ZDHHC3: variants seen among roughly 807,000 people sequenced by gnomAD.
The protein encoded by ZDHHC3 is zDHHC palmitoyltransferase 3.
ZDHHC3 carries 9 observed loss-of-function variants against 30.6 expected under a neutral mutation model. The observed-to-expected ratio is 0.29, with a 90% CI of 0.18 to 0.51. ZDHHC3 has a LOEUF of 0.51. ZDHHC3 is among the 20% of genes least tolerant of loss of function. The pLI is 0.97. For synonymous variants in ZDHHC3, 136 were observed against 140.2 expected (o/e 0.97, Z 0.21); for missense variants, 246 against 384.2 (o/e 0.64, Z 3.01).
chr3:44,961,737 C>T (rs962802760), intron 1 of ZDHHC3, among the ~76,000 whole-genome samples: 3 of 152,372 alleles, frequency 2.0e-5, no homozygotes, highest in African/African-American at 7.2e-5. Flanking sequence ...CCTCCAGTTG[C>T]AAGCATTCTT....
Position 44,922,790 on chromosome 3 carries a change from G to A in ZDHHC3, c.*3899C>T. ...GACCGAGAATGTGCATTTCTAACAA[G>A]TTCTCAGGTGATGCTGATGTTGACG... On this transcript the variant is annotated 3_prime_UTR_variant, in exon 7 of 7. Transcript: ENST00000424952. 2 of 985,048 alleles carry A rather than the reference G, an allele frequency of 2.0e-6. No individual in the cohort carries two copies. Among genetic ancestry groups the A allele is most frequent in the Non-Finnish European group, 2.4e-6 (2 of 829,602 alleles). 61.0% of individuals were successfully genotyped at this position (985,048 alleles called of 1,614,324 possible).
At chr3:44,928,781 G>A (rs765690565) in intron 6 of ZDHHC3, among the ~76,000 whole-genome samples, 4 of 152,274 alleles carry the variant, frequency 2.6e-5, no homozygotes, top group Non-Finnish European at 5.9e-5. Context: ...ATGAGGACCA[G>A]GGCTGGGCCA....
intron 1 of ZDHHC3, among the ~76,000 whole-genome samples, chr3:44,961,178 G>A (rs1704447131): frequency 6.6e-6 from 1 of 152,340 alleles, no homozygotes; most frequent in South Asian, 2.1e-4. Flanking sequence ...GGATCACGAG[G>A]TCAGGAGATT....
intron 5 of ZDHHC3, 160 bp downstream of exon 5, chr3:44,932,958 T>G (rs1216539161): frequency 1.9e-6 from 3 of 1,614,104 alleles, no homozygotes; most frequent in South Asian, 2.2e-5. Context: ...GAGATTCCAG[T>G]CTCTGCCATT....
chr3:44,957,982 T>C (rs115688180), intron 2 of ZDHHC3, among the ~76,000 whole-genome samples: 93 of 152,340 alleles, frequency 6.1e-4, no homozygotes, highest in Non-Finnish European at 1.2e-3. Context: ...CATGACCATA[T>C]AGATGCTGCT....
chr3:44,921,551 C>A lies in ZDHHC3; in HGVS notation c.*5138G>T. On this transcript the variant is annotated 3_prime_UTR_variant, in exon 7 of 7. Coordinates refer to ENST00000424952, the MANE Select transcript of ZDHHC3 (RefSeq NM_001135179.2). ...TTTTTCTTGAAAAACATGCTGGTTG[C>A]AAACCATGAATGGCTGTGACCAATG... 1 of 985,420 alleles carries A rather than the reference C, an allele frequency of 1.0e-6. No individual in the cohort carries two copies. Among genetic ancestry groups the A allele is most frequent in the Non-Finnish European group, 1.2e-6 (1 of 829,920 alleles). 61.0% of individuals were successfully genotyped at this position (985,420 alleles called of 1,614,324 possible). A position where few individuals can be genotyped will look rare whatever the true frequency, so the allele number is the denominator to read the frequency against.
At chr3:44,965,422 T>C (rs1237895003) in intron 1 of ZDHHC3, among the ~76,000 whole-genome samples, 3 of 152,090 alleles carry the variant, frequency 2.0e-5, no homozygotes, top group Admixed American at 6.5e-5. Flanking sequence ...TGTCTCTCCA[T>C]GGTAGGCAGC....
Position 44,922,767 on chromosome 3 carries a change from C to G in ZDHHC3, c.*3922G>C. On this transcript the variant is annotated 3_prime_UTR_variant, in exon 7 of 7. Transcript: ENST00000424952. ...CTGGTTCGGTAGCCTGGGGTGGGGA[C>G]CGAGAATGTGCATTTCTAACAAGTT... 8 of 984,930 alleles carry G rather than the reference C, an allele frequency of 8.1e-6. No individual in the cohort carries two copies. The highest frequency in any genetic ancestry group is 9.6e-6 in the Non-Finnish European group (8 of 829,548). 61.0% of individuals were successfully genotyped at this position (984,930 alleles called of 1,614,324 possible).
chr3:44,952,737 G>A (rs1225237555), intron 2 of ZDHHC3, among the ~76,000 whole-genome samples: 1 of 152,140 alleles, frequency 6.6e-6, no homozygotes, highest in African/African-American at 2.4e-5. Flanking sequence ...AACTTGCCAG[G>A]CACCTCCTTG....
In ZDHHC3 at chr3:44,925,858, A is replaced by G; in HGVS notation, c.*831T>C. ...ACATCTTGCTGGGGAAGAGAGGGAG[A>G]TGGGGTGGTGAGAGAGGAAGCAGAT... On this transcript the variant is annotated 3_prime_UTR_variant, in exon 7 of 7. Coordinates refer to ENST00000424952, the MANE Select transcript of ZDHHC3 (RefSeq NM_001135179.2). 6 of 985,838 alleles carry G rather than the reference A, an allele frequency of 6.1e-6. No homozygotes were observed. The highest frequency in any genetic ancestry group is 7.2e-6 in the Non-Finnish European group (6 of 829,946). 61.1% of individuals were successfully genotyped at this position (985,838 alleles called of 1,614,324 possible). A position where few individuals can be genotyped will look rare whatever the true frequency, so the allele number is the denominator to read the frequency against.
chr3:44,938,789 T>A (rs920894639), intron 3 of ZDHHC3, among the ~76,000 whole-genome samples: 1 of 152,172 alleles, frequency 6.6e-6, no homozygotes, highest in Non-Finnish European at 1.5e-5. Context: ...TGCTGTCCCC[T>A]GGATTCCAGA....
In ZDHHC3 at chr3:44,924,754, C is replaced by T; in HGVS notation, c.*1935G>A. On this transcript the variant is annotated 3_prime_UTR_variant, in exon 7 of 7. Transcript: ENST00000424952. Reference sequence around the variant, plus strand: ...ATACAATAACACTTCTTTCATACACCTAACTGAGCTGTATGTTATGAAAAA... The same window carrying T: ...ATACAATAACACTTCTTTCATACACTTAACTGAGCTGTATGTTATGAAAAA... 3 of 985,420 alleles carry T rather than the reference C, an allele frequency of 3.0e-6. No individual in the cohort carries two copies. The highest frequency in any genetic ancestry group is 3.6e-6 in the Non-Finnish European group (3 of 829,922). The allele number at this position is 985,420 out of a possible 1,614,324, so 61.0% of individuals were successfully genotyped here. A position where few individuals can be genotyped will look rare whatever the true frequency, so the allele number is the denominator to read the frequency against.
At chr3:44,938,199 G>A (rs1047265646) in intron 3 of ZDHHC3, 1 of 199,272 alleles carries the variant, frequency 5.0e-6, no homozygotes, top group Non-Finnish European at 1.0e-5. Context: ...GGCCAGACTA[G>A]TCTTTAACTC....
chr3:44,976,001 CCCCT>C lies in ZDHHC3; in HGVS notation c.-97_-94del. ...CTCCCGCCGCCGCCGCCGCTGCCTT[CCCCT>C]GCAGTCCCCAACCCGGGACCCGGCC... On this transcript the variant is annotated 5_prime_UTR_variant, in exon 1 of 7. Transcript: ENST00000424952. 2.7e-6 allele frequency: 1 copy of C among 365,516 alleles called. No individual in the cohort carries two copies. Among genetic ancestry groups the C allele is most frequent in the Non-Finnish European group, 4.9e-6 (1 of 205,522 alleles). 22.6% of individuals were successfully genotyped at this position (365,516 alleles called of 1,614,324 possible).
In ZDHHC3 at chr3:44,976,135, G is replaced by GGCGGCGGCCGCGGCTGCAGGA. The variant is rs1466107224; in HGVS notation, c.-248_-228dup. On this transcript the variant is annotated 5_prime_UTR_variant, in exon 1 of 7. Transcript: ENST00000424952. The stretch of plus-strand genomic sequence containing the variant: ...AAGCCCATCGAGCTCTCCCGGCAGT[G>GGCGGCGGCCGCGGCTGCAGGA]GCGGCGGCCGCGGCTGCAGGAGCGG... 1.7e-5 allele frequency: 10 copies of GGCGGCGGCCGCGGCTGCAGGA among 603,852 alleles called. No homozygotes were observed. Among genetic ancestry groups the GGCGGCGGCCGCGGCTGCAGGA allele is most frequent in the East Asian group, 7.0e-5 (2 of 28,490 alleles). 37.4% of individuals were successfully genotyped at this position (603,852 alleles called of 1,614,324 possible).
Position 44,918,481 on chromosome 3 carries a change from G to A in ZDHHC3, c.*8208C>T. On this transcript the variant is annotated 3_prime_UTR_variant, in exon 7 of 7. Coordinates refer to ENST00000424952, the MANE Select transcript of ZDHHC3 (RefSeq NM_001135179.2). ...TGATGGGCAGGGGCTAGGCTGATGA[G>A]TGGCTGAGGCATAAGGGGGACCACA... is the stretch of plus-strand genomic sequence containing the variant. The A allele has an allele frequency of 1.0e-6, 1 of 985,434 alleles. No individual in the cohort carries two copies. Among genetic ancestry groups the A allele is most frequent in the Non-Finnish European group, 1.2e-6 (1 of 829,936 alleles). 61.0% of individuals were successfully genotyped at this position (985,434 alleles called of 1,614,324 possible). A position where few individuals can be genotyped will look rare whatever the true frequency, so the allele number is the denominator to read the frequency against.
At chr3:44,971,180 T>G (rs1318580590) in intron 1 of ZDHHC3, among the ~76,000 whole-genome samples, 3 of 152,194 alleles carry the variant, frequency 2.0e-5, no homozygotes, top group African/African-American at 7.2e-5. Flanking sequence ...CTTGCTAAGG[T>G]AAGAAAGTGA....
At chr3:44,967,730 A>G (rs1202990160) in intron 1 of ZDHHC3, among the ~76,000 whole-genome samples, 1 of 152,224 alleles carries the variant, frequency 6.6e-6, no homozygotes, top group African/African-American at 2.4e-5. Context: ...ACTGGTTAAA[A>G]AAAATCAGAA....
chr3:44,966,672 C>T (rs17077091), intron 1 of ZDHHC3, among the ~76,000 whole-genome samples: 2,741 of 152,244 alleles, frequency 0.018, 42 homozygotes, highest in Middle Eastern at 0.085. Flanking sequence ...GCCTTAGAAG[C>T]TTTAGAAACA....
Sources: allele counts gnomAD v4.1 joint callset (sites outside exome capture counted in the v4.1 genomes callset), GRCh38; gene constraint gnomAD v4.1.1; transcripts MANE v1.5; gene names NCBI Gene and HGNC (gene_info 2026-07-23, HGNC 2026-07-21).